GALNT13: variants seen among roughly 807,000 people sequenced by gnomAD.
GALNT13 encodes UDP-GalNAc:polypeptide N-acetylgalactosaminyltransferase 13.
Under a neutral mutation model 64.2 loss-of-function variants are expected in GALNT13, and 28 were observed. That is an observed-to-expected ratio of 0.44 (90% CI 0.32 to 0.60). The LOEUF (loss-of-function observed/expected upper bound fraction) is 0.60. GALNT13 is among the 20% of genes least tolerant of loss of function. The pLI is 0.05. For synonymous variants in GALNT13, 214 were observed against 224.6 expected, an observed-to-expected ratio of 0.95 and a Z score of 0.42; for missense variants, 577 against 669.8, an observed-to-expected ratio of 0.86 and a Z score of 1.53.
chr2:153,949,516 G>GA (rs201346677), intron 3 of GALNT13, among the ~76,000 whole-genome samples: 26,852 of 133,668 alleles, frequency 0.2, 4,436 homozygotes, highest in East Asian at 0.75. Flanking sequence ...TCTCAAAAAA[G>GA]AAAAAAAAAA....
the GALNT13 span, among the ~76,000 whole-genome samples, chr2:153,368,607 A>G: frequency 6.6e-6 from 1 of 152,196 alleles, no homozygotes; most frequent in South Asian, 2.1e-4. Context: ...AAAGAATACA[A>G]TTCTCTAAGA....
the GALNT13 span, among the ~76,000 whole-genome samples, chr2:153,486,578 G>A: frequency 6.6e-6 from 1 of 152,108 alleles, no homozygotes; most frequent in African/African-American, 2.4e-5. Flanking sequence ...AAATAACGTT[G>A]TGAGTAGTAG....
chr2:153,222,331 GT>G, the GALNT13 span, among the ~76,000 whole-genome samples: 867 of 75,232 alleles, frequency 0.012, no homozygotes, highest in African/African-American at 0.02. Flanking sequence ...GGGGGGTGGG[GT>G]GGGGGGGGGG....
At chr2:153,224,109 CAG>C in the GALNT13 span, among the ~76,000 whole-genome samples, 1 of 152,032 alleles carries the variant, frequency 6.6e-6, no homozygotes, top group African/African-American at 2.4e-5. Flanking sequence ...CTTAGGAAAA[CAG>C]AAGAGCAATT....
chr2:153,901,657 G>C (rs1358135900), intron 2 of GALNT13, among the ~76,000 whole-genome samples: 2 of 151,900 alleles, frequency 1.3e-5, no homozygotes, highest in Non-Finnish European at 2.9e-5. Context: ...AAGTGTTCTG[G>C]CCAACACTAC....
At chr2:153,532,142 G>T in the GALNT13 span, among the ~76,000 whole-genome samples, 1 of 152,084 alleles carries the variant, frequency 6.6e-6, no homozygotes, top group Non-Finnish European at 1.5e-5. Flanking sequence ...CCCTAGTAGA[G>T]GTTCTCTGTG....
At chr2:153,504,499 A>C in the GALNT13 span, among the ~76,000 whole-genome samples, 2 of 152,314 alleles carry the variant, frequency 1.3e-5, no homozygotes, top group Non-Finnish European at 2.9e-5. Context: ...TTCCCCATTC[A>C]GTATAATGAT....
chr2:153,702,345 A>G, the GALNT13 span, among the ~76,000 whole-genome samples: 7 of 152,072 alleles, frequency 4.6e-5, no homozygotes, highest in South Asian at 6.2e-4. Flanking sequence ...GGGCCTGCTG[A>G]GGGTTAGGGG....
the GALNT13 span, among the ~76,000 whole-genome samples, chr2:153,451,556 T>A: frequency 2.0e-5 from 3 of 152,176 alleles, no homozygotes; most frequent in Non-Finnish European, 4.4e-5. Context: ...TTTGCCCAAG[T>A]TTATGCAGTA....
At chr2:153,313,152 C>G in the GALNT13 span, among the ~76,000 whole-genome samples, 3 of 152,128 alleles carry the variant, frequency 2.0e-5, no homozygotes, top group Non-Finnish European at 4.4e-5. Flanking sequence ...GACCTAAAAT[C>G]AGAATTACCA....
At chr2:153,233,822 G>A in the GALNT13 span, among the ~76,000 whole-genome samples, 3 of 152,156 alleles carry the variant, frequency 2.0e-5, no homozygotes, top group African/African-American at 7.2e-5. Context: ...CTGCCCAGAA[G>A]CAGTCAATGC....
Position 153,891,952 on chromosome 2 carries a change from C to A in GALNT13, c.-176-8984C>A, listed in dbSNP as rs144803332. ...AAGTCCATGATTGTTTCTTTGCTCA[C>A]GTTGCTTTGCAGCCTTGAATTACCT... On this transcript the variant is annotated intron_variant, in intron 1 of 12. Transcript: ENST00000392825. 4.7e-3 allele frequency among the ~76,000 whole-genome samples: 720 copies of A among 152,094 alleles called. 5 individuals are homozygous for A. Among genetic ancestry groups the A allele is most frequent in the African/African-American group, 0.016 (655 of 41,514 alleles).
intron 1 of GALNT13, among the ~76,000 whole-genome samples, chr2:153,884,785 A>ATATATATATATATATATATATG (rs1450308010): frequency 4.1e-4 from 50 of 122,492 alleles, no homozygotes; most frequent in African/African-American, 1.6e-3. Flanking sequence ...ATATATATAT[A>ATATATATATATATATATATATG]TGTGTGTGTA....
chr2:154,410,838 TAAGA>T lies in GALNT13; in HGVS notation c.1395+1760_1395+1763del, dbSNP rs144391208. On this transcript the variant is annotated intron_variant, in intron 11 of 12. Coordinates refer to ENST00000392825, the MANE Select transcript of GALNT13 (RefSeq NM_052917.4). ...TCTCTCATTCTATTGCTTATGAAAA[TAAGA>T]AAGGTACCCCAGATGAATTCTCTAC... 4.6e-5 allele frequency among the ~76,000 whole-genome samples: 7 copies of T among 151,984 alleles called. No individual in the cohort carries two copies. The East Asian group carries it at 1.2e-3, about 25-fold the overall frequency.
At chr2:153,728,275 G>C in the GALNT13 span, among the ~76,000 whole-genome samples, 1 of 152,174 alleles carries the variant, frequency 6.6e-6, no homozygotes, top group African/African-American at 2.4e-5. Flanking sequence ...TGGGATTGCT[G>C]AGTCAAATGG....
At chr2:153,891,840 T>C (rs577279314) in intron 1 of GALNT13, among the ~76,000 whole-genome samples, 1 of 152,080 alleles carries the variant, frequency 6.6e-6, no homozygotes, top group South Asian at 2.1e-4. Context: ...AATGACCTTT[T>C]TTGGCCTTGC....
At chr2:153,823,347 G>A in the GALNT13 span, among the ~76,000 whole-genome samples, 1 of 152,108 alleles carries the variant, frequency 6.6e-6, no homozygotes, top group Non-Finnish European at 1.5e-5. Context: ...CGAAACCAGA[G>A]ACAGCAGATT....
chr2:153,523,146 C>G, the GALNT13 span, among the ~76,000 whole-genome samples: 1 of 137,838 alleles, frequency 7.3e-6, no homozygotes, highest in Middle Eastern at 4.5e-3. Flanking sequence ...GCTCCTTTGT[C>G]AAAGATCAAT....
the GALNT13 span, among the ~76,000 whole-genome samples, chr2:153,590,665 A>G: frequency 6.6e-5 from 10 of 152,208 alleles, no homozygotes; most frequent in African/African-American, 2.4e-4. Flanking sequence ...AGGGTGGTTA[A>G]ACATATGCAA....
Sources: gnomAD v4.1 joint callset for allele counts (sites outside exome capture counted in the v4.1 genomes callset) on GRCh38, gnomAD v4.1.1 for gene constraint, MANE v1.5 for transcripts, NCBI Gene and HGNC (gene_info 2026-07-23, HGNC 2026-07-21) for gene names.